The following WDR19 variants were observed in gnomAD, a reference collection of about 807,000 sequenced individuals.
WDR19 encodes the protein WD repeat domain 19, also known as WD repeat-containing protein 19.
In WDR19, 121 loss-of-function variants were observed where a neutral mutation model predicts 180.0. The ratio of observed to expected loss-of-function variants is 0.67; its 90% CI spans 0.58 to 0.78. WDR19 has a LOEUF of 0.78. WDR19 is among the 30% of genes least tolerant of loss of function. The probability of loss-of-function intolerance (pLI) is 0.00; values close to 1 mark genes in which losing one functional copy is unlikely to be tolerated. For synonymous variants in WDR19, 497 were observed against 540.7 expected (o/e 0.92, Z 1.12); for missense variants, 1,450 against 1,640.7 (o/e 0.88, Z 2.01).
Position 39,231,872 on chromosome 4 carries a change from A to T in WDR19, c.2058A>T (p.Leu686=). ...GGAATGAGTTGGCCAGAGCTTGTCT[A>T]CATCACATGGAAGTGGAGTTTGCAA... is the stretch of plus-strand genomic sequence containing the variant. ...AAWNELARAC[L]HHMEVEFAIR... Residue 686 remains leucine, a synonymous_variant, in exon 18 of 37, where the codon CTA becomes CTT. Coordinates refer to ENST00000399820, the MANE Select transcript of WDR19 (RefSeq NM_025132.4). The T allele has an allele frequency of 6.2e-7, 1 of 1,613,330 alleles. No homozygotes were observed. Among genetic ancestry groups the T allele is most frequent in the Non-Finnish European group, 8.5e-7 (1 of 1,179,310 alleles).
chr4:39,281,196 TA>T (rs1736464636), intron 36 of WDR19, among the ~76,000 whole-genome samples: 1 of 131,584 alleles, frequency 7.6e-6, no homozygotes, highest in Non-Finnish European at 1.6e-5. Flanking sequence ...TTCTTTGTCC[TA>T]AATATATATG....
intron 2 of WDR19, among the ~76,000 whole-genome samples, chr4:39,186,309 A>T (rs1335071082): frequency 1.3e-5 from 2 of 151,888 alleles, no homozygotes; most frequent in African/African-American, 4.8e-5. Context: ...GTGAAACGCC[A>T]TCTCTACAAA....
intron 14 of WDR19, among the ~76,000 whole-genome samples, chr4:39,223,369 C>T (rs1042703504): frequency 6.6e-6 from 1 of 152,152 alleles, no homozygotes; most frequent in Non-Finnish European, 1.5e-5. Flanking sequence ...CTCGCTCTGT[C>T]GCCCAGGCTG....
chr4:39,188,987 A>C (rs1166733967), intron 3 of WDR19, among the ~76,000 whole-genome samples: 3 of 151,200 alleles, frequency 2.0e-5, no homozygotes, highest in Non-Finnish European at 4.4e-5. Flanking sequence ...CAGTGGCGCG[A>C]TCTTGGCTTA....
intron 36 of WDR19, among the ~76,000 whole-genome samples, chr4:39,281,205 A>ATGTGTG (rs144111830): frequency 2.8e-4 from 31 of 110,456 alleles, no homozygotes; most frequent in Admixed American, 6.6e-4. Flanking sequence ...CTAAATATAT[A>ATGTGTG]TGTGTGTGTG....
Position 39,196,606 on chromosome 4 carries a change from A to G in WDR19, c.406+1947A>G, listed in dbSNP as rs373867799. Among the ~76,000 whole-genome samples the G allele has an allele frequency of 3.9e-5, 6 of 152,166 alleles. No homozygotes were observed. The South Asian group carries it at 1.2e-3, about 32-fold the overall frequency. ...TGTGGTCTCAGACATTTTCTACCTT[A>G]ATTTCTGCAGTCTCCTCTTTACTGG... is the stretch of plus-strand genomic sequence containing the variant. On this transcript the variant is annotated intron_variant, in intron 5 of 36. Coordinates refer to ENST00000399820, the MANE Select transcript of WDR19 (RefSeq NM_025132.4).
chr4:39,260,137 C>A (rs1174981856), intron 28 of WDR19, among the ~76,000 whole-genome samples: 2 of 151,934 alleles, frequency 1.3e-5, no homozygotes, highest in Non-Finnish European at 2.9e-5. Context: ...GAAAATGGGT[C>A]ATTTATCCTG....
chr4:39,281,235 A>C (rs1369426770), intron 36 of WDR19, among the ~76,000 whole-genome samples: 2 of 115,324 alleles, frequency 1.7e-5, no homozygotes. Flanking sequence ...ATATATATAT[A>C]TAGAGAGAGA....
At chr4:39,257,618 T>G in intron 28 of WDR19, 64 bp downstream of exon 28, 1 of 1,463,172 alleles carries the variant, frequency 6.8e-7, no homozygotes, top group Non-Finnish European at 9.3e-7. Context: ...TTGAAAAAAA[T>G]TTTAAATATA....
At chr4:39,267,912 T>A (rs922957100) in intron 29 of WDR19, 83 bp from the exon 30 acceptor site, 4 of 1,218,550 alleles carry the variant, frequency 3.3e-6, no homozygotes, top group Non-Finnish European at 4.7e-6. Flanking sequence ...GGCAGATGAA[T>A]GTGATTCTAA....
chr4:39,195,223 C>T (rs1055887482), intron 5 of WDR19, among the ~76,000 whole-genome samples: 7 of 151,758 alleles, frequency 4.6e-5, no homozygotes, highest in South Asian at 4.2e-4. Flanking sequence ...AAAAATTAGC[C>T]GGGCACAGTG....
chr4:39,265,215 G>A (rs111418245), intron 28 of WDR19, among the ~76,000 whole-genome samples: 2,541 of 151,874 alleles, frequency 0.017, 56 homozygotes, highest in African/African-American at 0.056. Flanking sequence ...CACCGTGCCT[G>A]GCCTGGAGAT....
intron 9 of WDR19, among the ~76,000 whole-genome samples, chr4:39,213,916 C>A (rs941285304): frequency 2.0e-5 from 3 of 151,836 alleles, no homozygotes; most frequent in Admixed American, 1.3e-4. Context: ...CTGAAATTAT[C>A]TTAAAAGTTT....
intron 19 of WDR19, 89 bp from the exon 20 acceptor site, chr4:39,234,677 G>T: frequency 2.5e-6 from 2 of 785,060 alleles, no homozygotes; most frequent in Non-Finnish European, 4.4e-6. Context: ...AAAAGGTTTT[G>T]TAATTAGTTT....
At chr4:39,187,419 CAAAA>C (rs71192832) in intron 3 of WDR19, among the ~76,000 whole-genome samples, 2 of 63,564 alleles carry the variant, frequency 3.1e-5, no homozygotes, top group Non-Finnish European at 3.1e-5. Flanking sequence ...GACTCCATCT[CAAAA>C]AAAAAAAAAA....
At chr4:39,185,961 T>G in intron 2 of WDR19, 144 bp downstream of exon 2, 1 of 670,416 alleles carries the variant, frequency 1.5e-6, no homozygotes, top group South Asian at 2.5e-5. Context: ...AGTGGCACGA[T>G]CTCAGCTTGC....
chr4:39,252,975 A>C (rs1464783174), intron 24 of WDR19, among the ~76,000 whole-genome samples, 171 bp from the exon 25 acceptor site: 1 of 152,244 alleles, frequency 6.6e-6, no homozygotes, highest in African/African-American at 2.4e-5. Flanking sequence ...ATTCCTAAAC[A>C]GAACATTTTA....
At chr4:39,266,236 A>G in intron 29 of WDR19, 96 bp downstream of exon 29, 2 of 1,159,682 alleles carry the variant, frequency 1.7e-6, no homozygotes, top group Non-Finnish European at 2.4e-6. Context: ...CATAGACATG[A>G]AAAATTTTCT....
chr4:39,234,552 T>C (rs1394186156), intron 19 of WDR19, among the ~76,000 whole-genome samples: 6 of 152,204 alleles, frequency 3.9e-5, no homozygotes, highest in Non-Finnish European at 8.8e-5. Flanking sequence ...TAAGATTTTT[T>C]TGCCCCTCCA....
Sources: allele counts gnomAD v4.1 joint callset (sites outside exome capture counted in the v4.1 genomes callset), GRCh38; gene constraint gnomAD v4.1.1; transcripts MANE v1.5; gene names NCBI Gene and HGNC (gene_info 2026-07-23, HGNC 2026-07-21).